The following SMARCA2 variants were observed in gnomAD, a reference collection of about 807,000 sequenced individuals.
SMARCA2 encodes SWI/SNF-related matrix-associated actin-dependent regulator of chromatin subfamily A member 2.
A neutral mutation model predicts 199.8 loss-of-function variants in SMARCA2; 61 were observed. The observed-to-expected ratio is 0.31, with a 90% CI of 0.25 to 0.38. The LOEUF (loss-of-function observed/expected upper bound fraction) is 0.38. SMARCA2 is among the 10% of genes least tolerant of loss of function. The pLI is 1.00. For missense variants in SMARCA2, 1,344 were observed against 2,012.2 expected (o/e 0.67, Z 6.35); for synonymous variants, 935 against 732.0 (o/e 1.28, Z -4.48).
At chr9:2,141,464 A>C (rs576132373) in intron 27 of SMARCA2, among the ~76,000 whole-genome samples, 23 of 152,234 alleles carry the variant, frequency 1.5e-4, no homozygotes, top group African/African-American at 5.3e-4. Flanking sequence ...TGCATAATGT[A>C]ATGGCACAAG....
At chr9:2,032,316 A>T (rs1401506480) in intron 2 of SMARCA2, among the ~76,000 whole-genome samples, 2 of 152,190 alleles carry the variant, frequency 1.3e-5, no homozygotes, top group Admixed American at 6.5e-5. Flanking sequence ...TTATGCCTCA[A>T]GTTTTGGGTC....
At chr9:2,063,003 T>G (rs1211674088) in intron 9 of SMARCA2, among the ~76,000 whole-genome samples, 1 of 152,140 alleles carries the variant, frequency 6.6e-6, no homozygotes, top group Non-Finnish European at 1.5e-5. Context: ...CTTACAGATA[T>G]CTTTGAGTAT....
chr9:2,065,197 C>T (rs1447562056), intron 9 of SMARCA2, among the ~76,000 whole-genome samples: 1 of 152,010 alleles, frequency 6.6e-6, no homozygotes, highest in Non-Finnish European at 1.5e-5. Flanking sequence ...AAAAAAAAGT[C>T]TAGCCATTTC....
At chr9:2,191,970 G>C (rs562456064) in intron 33 of SMARCA2, 1 of 153,266 alleles carries the variant, frequency 6.5e-6, no homozygotes, top group African/African-American at 2.4e-5. Flanking sequence ...TACTGATGTC[G>C]GCATCGTGAG....
intron 14 of SMARCA2, among the ~76,000 whole-genome samples, chr9:2,081,422 C>G: frequency 6.6e-6 from 1 of 152,154 alleles, no homozygotes; most frequent in Admixed American, 6.5e-5. Flanking sequence ...GGGACCTCAC[C>G]CATATTACCG....
At chr9:2,071,716 A>G (rs1470349082) in intron 10 of SMARCA2, among the ~76,000 whole-genome samples, 1 of 152,218 alleles carries the variant, frequency 6.6e-6, no homozygotes, top group Non-Finnish European at 1.5e-5. Flanking sequence ...TTCCATCTAC[A>G]GTGATTTCCA....
chr9:2,053,526 G>A (rs1237678873), intron 5 of SMARCA2, among the ~76,000 whole-genome samples: 5 of 152,222 alleles, frequency 3.3e-5, no homozygotes, highest in South Asian at 4.1e-4. Flanking sequence ...AGCAAAATGG[G>A]ACCATTATAA....
chr9:2,015,735 A>G (rs940427239), intron 1 of SMARCA2, among the ~76,000 whole-genome samples: 1 of 152,210 alleles, frequency 6.6e-6, no homozygotes, highest in Non-Finnish European at 1.5e-5. Flanking sequence ...GGGGCAAAGG[A>G]GGAAAAAAAT....
At chr9:2,026,909 A>C (rs1818856135) in intron 1 of SMARCA2, among the ~76,000 whole-genome samples, 1 of 152,198 alleles carries the variant, frequency 6.6e-6, no homozygotes, top group Non-Finnish European at 1.5e-5. Context: ...TGGGCTCTCT[A>C]GTGAATTCAA....
Position 2,123,845 on chromosome 9 carries a change from G to A in SMARCA2, c.3889G>A (p.Glu1297Lys). The A allele has an allele frequency of 2.5e-6, 4 of 1,611,186 alleles. No homozygotes were observed. Among genetic ancestry groups the A allele is most frequent in the Non-Finnish European group, 3.4e-6 (4 of 1,178,840 alleles). ...CGCTGAAGTAGAAAGGCTCACCTGT[G>A]AAGAAGAGGAGGAGAAAATATTTGG... is the stretch of plus-strand genomic sequence containing the variant. ...DDAEVERLTC[E>K]EEEEKIFGRG... is the part of the protein sequence containing the mutation. The change falls in exon 27 of 34, where the codon GAA (glutamate) becomes AAA (lysine). Residue 1297 changes from glutamate to lysine, a missense_variant. Glu to Lys is a moderately conservative substitution (Grantham distance 56). This residue lies in a region of SMARCA2 where 63 missense variants were observed against 83.3 expected (regional missense o/e 0.76). Transcript: ENST00000349721. This position sits in a 1 kb window ranked among gnomAD's most constrained non-coding sequence, Gnocchi z 4.1.
Position 2,169,709 on chromosome 9 carries a change from T to G in SMARCA2, c.4200-710T>G, listed in dbSNP as rs73641003. Among the ~76,000 whole-genome samples the G allele has an allele frequency of 0.067, 10,181 of 152,118 alleles. 1,098 individuals carry two copies. Among genetic ancestry groups the G allele is most frequent in the African/African-American group, 0.22 (9,208 of 41,466 alleles). On this transcript the variant is annotated intron_variant, in intron 28 of 33. Transcript: ENST00000349721. The surrounding 1 kb of genome is among the most constrained non-coding windows in gnomAD (Gnocchi z 6.5). ...GTATGGAGGGTCTTCCCAGGATCTG[T>G]GAAACCTGGCAGCTGCTTCCCTGCC...
At chr9:2,184,026 T>G (rs1827246502) in intron 31 of SMARCA2, among the ~76,000 whole-genome samples, 1 of 152,196 alleles carries the variant, frequency 6.6e-6, no homozygotes, top group East Asian at 1.9e-4. Flanking sequence ...CTAATTTGTC[T>G]TTCTCTAGCC....
At chr9:2,077,587 C>T (rs777703028) in intron 13 of SMARCA2, 42 bp from the exon 14 acceptor site, 59 of 1,591,228 alleles carry the variant, frequency 3.7e-5, no homozygotes, top group Non-Finnish European at 4.7e-5. Context: ...AACACATGCA[C>T]GCACATGTCT....
chr9:2,166,232 A>C (rs1207941685), intron 28 of SMARCA2, among the ~76,000 whole-genome samples: 1 of 152,136 alleles, frequency 6.6e-6, no homozygotes, highest in Non-Finnish European at 1.5e-5. Flanking sequence ...CCAGTCTCCT[A>C]GTGTCCCATT....
intron 27 of SMARCA2, among the ~76,000 whole-genome samples, chr9:2,125,601 T>G (rs1586731001): frequency 6.6e-6 from 1 of 151,572 alleles, no homozygotes; most frequent in East Asian, 2.0e-4. Flanking sequence ...GGGATTCTCC[T>G]GCTTCAGCCT....
At position 2,161,763 on chromosome 9, in the gene SMARCA2, T is replaced by C. The variant is rs368433894; in HGVS notation, c.4059T>C (p.Asp1353=). The change falls in exon 28 of 34, where the codon GAT becomes GAC. Residue 1353 remains aspartate (D), a synonymous_variant. Transcript: ENST00000349721. The surrounding 1 kb of genome is among the most constrained non-coding windows in gnomAD (Gnocchi z 4.7). ...AGCGAAAAAGACGAAGAAATGTGGATAAAGATCCTGCAAAAGAAGATGTGG... is the reference window on the plus strand; with the variant it reads ...AGCGAAAAAGACGAAGAAATGTGGACAAAGATCCTGCAAAAGAAGATGTGG... ...LKKRKRRRNV[D]KDPAKEDVEK... 15 of 1,613,894 alleles carry C rather than the reference T, an allele frequency of 9.3e-6. No individual in the cohort carries two copies. Among genetic ancestry groups the C allele is most frequent in the Non-Finnish European group, 8.5e-7 (1 of 1,179,974 alleles).
Position 2,054,672 on chromosome 9 carries a change from C to G in SMARCA2, c.1122C>G (p.Thr374=), listed in dbSNP as rs138404604. ...GCTCTTTGCCACCAGATTTAAGAAC[C>G]AAAGCAACCGTGGAACTAAAAGCAC... The part of the protein sequence containing the change: ...LPGSLPPDLR[T]KATVELKALR... The change falls in exon 6 of 34, where the codon ACC becomes ACG. Residue 374 remains threonine, a synonymous_variant. Transcript: ENST00000349721. 657 of 1,614,080 alleles carry G rather than the reference C, an allele frequency of 4.1e-4. 10 individuals are homozygous for G. In the East Asian group the frequency reaches 0.012, roughly 29 times the overall value.
chr9:2,023,146 A>G (rs1818677548), intron 1 of SMARCA2, among the ~76,000 whole-genome samples: 1 of 152,158 alleles, frequency 6.6e-6, no homozygotes, highest in South Asian at 2.1e-4. Context: ...AAGGGTGGTA[A>G]TGTTAAGAGC....
chr9:2,076,196 A>T, intron 12 of SMARCA2, 33 bp from the exon 13 acceptor site: 1 of 1,165,870 alleles, frequency 8.6e-7, no homozygotes, highest in Non-Finnish European at 1.3e-6. Flanking sequence ...TTGTTAAAAT[A>T]TAATTTCCTC....
Sources: gnomAD v4.1 joint callset for allele counts (sites outside exome capture counted in the v4.1 genomes callset) on GRCh38, gnomAD v4.1.1 for gene constraint, gnomAD v4.1.1 regional missense constraint, Gnocchi (gnomAD v3.1) non-coding constraint, MANE v1.5 for transcripts, NCBI Gene and HGNC (gene_info 2026-07-23, HGNC 2026-07-21) for gene names.